The following ATP5F1A variants were observed in gnomAD, a reference collection of about 807,000 sequenced individuals.
ATP5F1A encodes the protein ATP synthase F(1) complex subunit alpha, mitochondrial.
ATP5F1A carries 24 observed loss-of-function variants against 57.4 expected under a neutral mutation model. The observed-to-expected ratio is 0.42, with a 90% confidence interval of 0.30 to 0.59. The LOEUF is 0.59. Among genes scored for constraint, ATP5F1A ranks in the 20% least tolerant of loss-of-function variants. The probability of loss-of-function intolerance (pLI) is 0.19; values close to 1 mark genes in which losing one functional copy is unlikely to be tolerated. For missense variants in ATP5F1A, 494 were observed against 707.9 expected (o/e 0.70, Z 3.43); for synonymous variants, 251 against 255.5 (o/e 0.98, Z 0.17).
Position 46,082,387 on chromosome 18 carries a change from CAAA to C in ATP5F1A, c.*1892_*1894del, listed in dbSNP as rs34936471. On this transcript the variant is annotated 3_prime_UTR_variant, in exon 12 of 12. Coordinates refer to ENST00000398752, the MANE Select transcript of ATP5F1A (RefSeq NM_004046.6). ...CCTGGGAGACAGTGAGACTCCGTCT[CAAA>C]AAAAAAAAAAAAAGGCCAGGTGTGG... The C allele has an allele frequency of 0.44, 49,257 of 111,836 alleles. 8,835 individuals carry two copies. Among genetic ancestry groups the C allele is most frequent in the Middle Eastern group, 0.61 (130 of 214 alleles). 6.9% of individuals were successfully genotyped at this position (111,836 alleles called of 1,614,324 possible).
At chr18:46,097,878 C>A (rs1911077161) in intron 1 of ATP5F1A, 1 of 1,212,664 alleles carries the variant, frequency 8.2e-7, no homozygotes, top group East Asian at 3.6e-5. Flanking sequence ...CAAGCCCTGA[C>A]CTTCACCCAA....
chr18:46,085,594 A>C (rs12457342), intron 10 of ATP5F1A: 2,046 of 155,650 alleles, frequency 0.013, 41 homozygotes, highest in Admixed American at 0.05. Context: ...GCACCACTGC[A>C]CTCCAGCCTG....
chr18:46,095,424 C>T (rs975018911), intron 1 of ATP5F1A, among the ~76,000 whole-genome samples: 2 of 152,034 alleles, frequency 1.3e-5, no homozygotes, highest in South Asian at 4.1e-4. Flanking sequence ...TAGTCTCAAG[C>T]GATTCTCAGC....
intron 10 of ATP5F1A, 156 bp downstream of exon 10, chr18:46,085,955 ATC>A (rs1910056690): frequency 4.5e-6 from 4 of 887,552 alleles, no homozygotes; most frequent in African/African-American, 1.7e-5. Flanking sequence ...AAAATCAAAA[ATC>A]AAAAAACAAA....
rs1029519275 is a variant in ATP5F1A, at chr18:46,083,056, A to T, written c.*1226T>A. The stretch of plus-strand genomic sequence containing the variant: ...CAGAGCAAGACTCTGTCTCAAAAAA[A>T]TAAATAAATCAGTAAAAAAAATTTA... On this transcript the variant is annotated 3_prime_UTR_variant, in exon 12 of 12. Transcript: ENST00000398752. The T allele has an allele frequency of 2.0e-5, 3 of 152,064 alleles. No homozygotes were observed. The highest frequency in any genetic ancestry group is 2.1e-4 in the South Asian group (1 of 4,816). The allele number at this position is 152,064 out of a possible 1,614,324, so 9.4% of individuals were successfully genotyped here.
chr18:46,099,748 A>G (rs1025421035), upstream of ATP5F1A, among the ~76,000 whole-genome samples: 2 of 152,102 alleles, frequency 1.3e-5, no homozygotes, highest in African/African-American at 4.8e-5. Context: ...CCGTTTGGAG[A>G]AGCATTTTCA....
In ATP5F1A at chr18:46,084,548, C is replaced by T. The variant is rs1266141478; in HGVS notation, c.1536G>A (p.Leu512=). 6.2e-7 allele frequency: 1 copy of T among 1,612,470 alleles called. No homozygotes were observed. Among genetic ancestry groups the T allele is most frequent in the East Asian group, 2.2e-5 (1 of 44,872 alleles). ...SKITKFENAF[L]SHVVSQHQAL... The stretch of plus-strand genomic sequence containing the variant: ...CTTGGTGCTGGCTGACGACATGAGA[C>T]AAGAAAGCATTCTCAAACTTTGTAA... The change falls in exon 11 of 12, where the codon TTG becomes TTA. Residue 512 remains leucine, a synonymous_variant. Coordinates refer to ENST00000398752, the MANE Select transcript of ATP5F1A (RefSeq NM_004046.6).
chr18:46,084,534 C>T lies in ATP5F1A; in HGVS notation c.1550G>A (p.Ser517Asn). 1.2e-6 allele frequency: 2 copies of T among 1,606,882 alleles called. No individual in the cohort carries two copies. The highest frequency in any genetic ancestry group is 1.7e-6 in the Non-Finnish European group (2 of 1,178,052). ...AGTGCCCAACAAGGCTTGGTGCTGG[C>T]TGACGACATGAGACAAGAAAGCATT... ...FENAFLSHVV[S>N]QHQALLGTIR... The change falls in exon 11 of 12, where the codon AGC (serine) becomes AAC (asparagine). Residue 517 changes from serine (S) to asparagine (N), a missense_variant. Ser to Asn is a conservative substitution (Grantham distance 46, BLOSUM62 1). Coordinates refer to ENST00000398752, the MANE Select transcript of ATP5F1A (RefSeq NM_004046.6).
At chr18:46,086,357 C>T (rs753074308) in intron 9 of ATP5F1A, 30 bp downstream of exon 9, 13 of 1,612,670 alleles carry the variant, frequency 8.1e-6, no homozygotes, top group African/African-American at 1.3e-5. Flanking sequence ...TAATGATAGC[C>T]CCCTTACTGC....
rs535398818 is a variant in ATP5F1A at position 46,096,812 on chromosome 18, T to C, written c.60+1360A>G. 2.0e-5 allele frequency among the ~76,000 whole-genome samples: 3 copies of C among 150,804 alleles called. No homozygotes were observed. In the South Asian group the frequency reaches 6.3e-4, roughly 32 times the overall value. The stretch of plus-strand genomic sequence containing the variant: ...GCCTAGCCAACATGGTGAAACCCCG[T>C]CTCTACGAAAAACTACAAAAAGTAG... On this transcript the variant is annotated intron_variant, in intron 1 of 11. Transcript: ENST00000398752.
chr18:46,081,682 A>AAAAAAAAAAAAAAAAAC lies in ATP5F1A; in HGVS notation c.*2599_*2600insGTTTTTTTTTTTTTTTT, dbSNP rs1909754973. 3 of 102,350 alleles carry AAAAAAAAAAAAAAAAAC rather than the reference A, an allele frequency of 2.9e-5. No individual in the cohort carries two copies. The highest frequency in any genetic ancestry group is 1.1e-4 in the Admixed American group (1 of 9,260). The allele number at this position is 102,350 out of a possible 1,614,324, so 6.3% of individuals were successfully genotyped here. ...TCTCAAAAAAAAAAAACAAAAAAAAAAAAAAAAAAAAAAAACGAAATGTGC... is the reference window on the plus strand; with the variant it reads ...TCTCAAAAAAAAAAAACAAAAAAAAAAAAAAAAAAAAAAAAACAAAAAAAAAAAAAAACGAAATGTGC... On this transcript the variant is annotated 3_prime_UTR_variant, in exon 12 of 12. Transcript: ENST00000398752.
upstream of ATP5F1A, among the ~76,000 whole-genome samples, chr18:46,101,778 G>A (rs1160357334): frequency 6.6e-6 from 1 of 151,636 alleles, no homozygotes; most frequent in Non-Finnish European, 1.5e-5. Context: ...TGTAATCCCA[G>A]CTATTTAGGA....
upstream of ATP5F1A, among the ~76,000 whole-genome samples, chr18:46,099,609 T>A (rs1911204735): frequency 6.6e-6 from 1 of 152,076 alleles, no homozygotes; most frequent in Non-Finnish European, 1.5e-5. Context: ...GCCTGGCTAA[T>A]TTTTTTGTAA....
In ATP5F1A at chr18:46,088,168, A is replaced by T; in HGVS notation, c.740T>A (p.Val247Asp). The T allele has an allele frequency of 6.2e-7, 1 of 1,605,816 alleles. No homozygotes were observed. Among genetic ancestry groups the T allele is most frequent in the Non-Finnish European group, 8.5e-7 (1 of 1,178,426 alleles). ...AGTGGATCTCTTTTGACCAATAGCA[A>T]CATAAATACAGTACAGCTTCTTCTT... is the stretch of plus-strand genomic sequence containing the variant. ...DEKKKLYCIY[V>D]AIGQKRSTVA... Residue 247 changes from valine (V) to aspartate (D), a missense_variant, in exon 6 of 12, where the codon GTT (valine) becomes GAT (aspartate). Around this residue, in one of 6 missense-constraint regions of ATP5F1A, gnomAD observed 191 missense variants for 267.7 expected, o/e 0.71. Coordinates refer to ENST00000398752, the MANE Select transcript of ATP5F1A (RefSeq NM_004046.6).
upstream of ATP5F1A, chr18:46,099,239 T>C (rs1911191207): frequency 6.6e-6 from 1 of 152,142 alleles, no homozygotes. Context: ...TTCATGCTAT[T>C]GGGAACTCTG....
At chr18:46,090,085 TG>T (rs71264822) in intron 3 of ATP5F1A, 89 bp from the exon 4 acceptor site, 40 of 138,082 alleles carry the variant, frequency 2.9e-4, no homozygotes, top group African/African-American at 5.4e-4. Context: ...AGTCGGGGGG[TG>T]GGGGGGGAAG....
intron 1 of ATP5F1A, chr18:46,097,705 G>C: frequency 1.8e-6 from 1 of 550,052 alleles, no homozygotes; most frequent in Non-Finnish European, 2.3e-6. Context: ...GCTCCAGGCA[G>C]AGGTGAAATG....
intron 2 of ATP5F1A, among the ~76,000 whole-genome samples, chr18:46,092,864 T>C (rs1262119955): frequency 6.6e-6 from 1 of 152,154 alleles, no homozygotes; most frequent in Non-Finnish European, 1.5e-5. Flanking sequence ...AAACCAACTG[T>C]TGGCCAGGCA....
chr18:46,098,362 A>AACTC, upstream of ATP5F1A: 3 of 1,281,404 alleles, frequency 2.3e-6, no homozygotes, highest in Non-Finnish European at 3.0e-6. Flanking sequence ...CCTCGCGTTC[A>AACTC]CCACCTCTCC....
Sources: allele counts gnomAD v4.1 joint callset (sites outside exome capture counted in the v4.1 genomes callset), GRCh38; gene constraint gnomAD v4.1.1; regional missense constraint gnomAD v4.1.1; transcripts MANE v1.5; gene names NCBI Gene and HGNC (gene_info 2026-07-23, HGNC 2026-07-21).